ELF1: variants seen among roughly 807,000 people sequenced by gnomAD.
ELF1 encodes the protein ETS-related transcription factor Elf-1.
Under a neutral mutation model 59.9 loss-of-function variants are expected in ELF1, and 24 were observed. The ratio of observed to expected loss-of-function variants is 0.40; its 90% CI spans 0.29 to 0.56. ELF1 has a LOEUF of 0.56. ELF1 is among the 20% of genes least tolerant of loss of function. ELF1 has a pLI of 0.44. For missense variants in ELF1, 627 were observed against 742.2 expected, an observed-to-expected ratio of 0.84 and a Z score of 1.80; for synonymous variants, 248 against 266.2, an observed-to-expected ratio of 0.93 and a Z score of 0.67.
chr13:40,997,547 C>T (rs755369289), intron 1 of ELF1, among the ~76,000 whole-genome samples: 2 of 151,896 alleles, frequency 1.3e-5, no homozygotes, highest in Non-Finnish European at 2.9e-5. Flanking sequence ...TGAGCCACTG[C>T]ACCCGGCCAT....
At chr13:41,047,784 A>T (rs1489934089) in intron 1 of ELF1, among the ~76,000 whole-genome samples, 1 of 152,166 alleles carries the variant, frequency 6.6e-6, no homozygotes, top group Non-Finnish European at 1.5e-5. Flanking sequence ...GTGCTGGGAA[A>T]ACCACTACTC....
chr13:40,996,610 G>C (rs1358132506), intron 1 of ELF1, among the ~76,000 whole-genome samples: 1 of 152,162 alleles, frequency 6.6e-6, no homozygotes, highest in African/African-American at 2.4e-5. Flanking sequence ...AAGTGACAAA[G>C]TGTCAGTGTA....
chr13:40,989,646 C>T (rs1873737295), intron 1 of ELF1, among the ~76,000 whole-genome samples: 1 of 151,976 alleles, frequency 6.6e-6, no homozygotes, highest in Admixed American at 6.6e-5. Flanking sequence ...TAGATTTCCA[C>T]AATATAGTAA....
rs375400990 is a variant in ELF1, at chr13:40,940,386, GAAA to G, written c.1256+532_1256+534del. Reference sequence around the variant, plus strand: ...GCTCTGAGGCAAATCTGATTTAACTGAAAAAAAAAAAAAAAAAAAAAAAAAAAA... The same window carrying G: ...GCTCTGAGGCAAATCTGATTTAACTGAAAAAAAAAAAAAAAAAAAAAAAAA... On this transcript the variant is annotated intron_variant, in intron 8 of 8. Coordinates refer to ENST00000239882, the MANE Select transcript of ELF1 (RefSeq NM_172373.4). 6.9e-3 allele frequency among the ~76,000 whole-genome samples: 761 copies of G among 109,692 alleles called. 10 individuals carry two copies. The highest frequency in any genetic ancestry group is 0.032 in the African/African-American group (665 of 20,502). 72.0% of individuals were successfully genotyped at this position (109,692 alleles called of 152,430 possible).
intron 1 of ELF1, among the ~76,000 whole-genome samples, chr13:41,034,220 G>C (rs1261768793): frequency 6.6e-6 from 1 of 152,190 alleles, no homozygotes; most frequent in Non-Finnish European, 1.5e-5. Context: ...GGGGATGAGA[G>C]AGATAACCAT....
intron 1 of ELF1, among the ~76,000 whole-genome samples, chr13:41,043,710 T>C (rs1434592659): frequency 6.6e-6 from 1 of 152,230 alleles, no homozygotes; most frequent in Non-Finnish European, 1.5e-5. Flanking sequence ...TGTAGCCTTG[T>C]AGTATAGTTT....
Position 40,958,901 on chromosome 13 carries a change from T to G in ELF1, c.188A>C (p.Glu63Ala), listed in dbSNP as rs1365288494. ...TTCTTCAGCAACATCCAGTGAACTCTCAGTAATCATGTCATTGGGCTCTTC... is the reference window on the plus strand; with the variant it reads ...TTCTTCAGCAACATCCAGTGAACTCGCAGTAATCATGTCATTGGGCTCTTC... Reference protein sequence around the residue: ...CVEEPNDMITESSLDVAEEEI... With the variant: ...CVEEPNDMITASSLDVAEEEI... The change falls in exon 3 of 9, where the codon GAG (glutamate) becomes GCG (alanine). Residue 63 changes from glutamate (E) to alanine (A), a missense_variant. Around this residue, in one of 3 missense-constraint regions of ELF1, gnomAD observed 232 missense variants for 269.2 expected, o/e 0.86. Transcript: ENST00000239882. 2 of 1,613,914 alleles carry G rather than the reference T, an allele frequency of 1.2e-6. No homozygotes were observed. Among genetic ancestry groups the G allele is most frequent in the Admixed American group, 3.3e-5 (2 of 59,970 alleles).
chr13:40,938,689 G>A (rs1253275882), intron 8 of ELF1, among the ~76,000 whole-genome samples: 1 of 151,970 alleles, frequency 6.6e-6, no homozygotes, highest in African/African-American at 2.4e-5. Context: ...AGAGTGCTCT[G>A]TGTCAGCTCT....
chr13:40,953,685 T>C (rs574416008), intron 3 of ELF1, among the ~76,000 whole-genome samples: 22 of 152,314 alleles, frequency 1.4e-4, no homozygotes, highest in Non-Finnish European at 2.5e-4. Flanking sequence ...CTAACACGTG[T>C]AAGAACAAAA....
intron 2 of ELF1, among the ~76,000 whole-genome samples, chr13:40,977,857 C>T (rs1249896995): frequency 6.6e-6 from 1 of 151,950 alleles, no homozygotes; most frequent in African/African-American, 2.4e-5. Context: ...AACAGTTCAA[C>T]GAAGGAGAAT....
At chr13:40,983,765 CT>C (rs1367136011) in intron 1 of ELF1, among the ~76,000 whole-genome samples, 1 of 151,990 alleles carries the variant, frequency 6.6e-6, no homozygotes. Flanking sequence ...TTTATAATAC[CT>C]TTTTCCTTAA....
At chr13:41,002,812 A>G (rs1874540204) in intron 1 of ELF1, among the ~76,000 whole-genome samples, 1 of 152,158 alleles carries the variant, frequency 6.6e-6, no homozygotes, top group Admixed American at 6.5e-5. Context: ...TGTATGCTAT[A>G]GCAGAAGTGG....
chr13:40,990,122 A>T (rs1873766634), intron 1 of ELF1, among the ~76,000 whole-genome samples: 1 of 152,204 alleles, frequency 6.6e-6, no homozygotes, highest in Non-Finnish European at 1.5e-5. Flanking sequence ...AACATTCAAA[A>T]ATCATACACA....
intron 1 of ELF1, among the ~76,000 whole-genome samples, chr13:41,025,036 A>C (rs1875837091): frequency 2.6e-5 from 4 of 152,202 alleles, no homozygotes; most frequent in African/African-American, 9.7e-5. Context: ...CCAAAAAACA[A>C]AAAGAAATAA....
chr13:40,944,081 G>C (rs1299643344), intron 5 of ELF1, among the ~76,000 whole-genome samples, 156 bp from the exon 6 acceptor site: 1 of 152,148 alleles, frequency 6.6e-6, no homozygotes, highest in Non-Finnish European at 1.5e-5. Flanking sequence ...TTACTAAAAG[G>C]AAAACAACTT....
intron 3 of ELF1, among the ~76,000 whole-genome samples, chr13:40,957,704 T>C (rs886108728): frequency 7.9e-5 from 12 of 152,128 alleles, no homozygotes; most frequent in Admixed American, 6.5e-4. Context: ...TTCTTTTCTT[T>C]ATAAGTATTA....
At position 40,982,260 on chromosome 13, in the gene ELF1, T is replaced by C; in HGVS notation, c.-206A>G. 7.9e-7 allele frequency: 1 copy of C among 1,268,294 alleles called. No individual in the cohort carries two copies. Among genetic ancestry groups the C allele is most frequent in the Non-Finnish European group, 9.9e-7 (1 of 1,006,452 alleles). 78.6% of individuals were successfully genotyped at this position (1,268,294 alleles called of 1,614,324 possible). On this transcript the variant is annotated 5_prime_UTR_variant, in exon 2 of 9. Coordinates refer to ENST00000239882, the MANE Select transcript of ELF1 (RefSeq NM_172373.4). Reference sequence around the variant, plus strand: ...AAATTGAGACAATTTTTCTGAAATTTTTCTTCTCTCAAGCTTCTTGGCCTA... The same window carrying C: ...AAATTGAGACAATTTTTCTGAAATTCTTCTTCTCTCAAGCTTCTTGGCCTA...
At chr13:40,984,653 G>A (rs1873460163) in intron 1 of ELF1, among the ~76,000 whole-genome samples, 1 of 152,148 alleles carries the variant, frequency 6.6e-6, no homozygotes, top group South Asian at 2.1e-4. Flanking sequence ...CTGATAAAGA[G>A]GAAACTATTA....
intron 1 of ELF1, among the ~76,000 whole-genome samples, chr13:40,986,466 C>T (rs10507487): frequency 0.18 from 27,636 of 152,116 alleles, 2,690 homozygotes; most frequent in African/African-American, 0.22. Flanking sequence ...CAGGTGCATG[C>T]TAGGTAACTA....
Sources: gnomAD v4.1 joint callset for allele counts (sites outside exome capture counted in the v4.1 genomes callset) on GRCh38, gnomAD v4.1.1 for gene constraint, gnomAD v4.1.1 regional missense constraint, MANE v1.5 for transcripts, NCBI Gene and HGNC (gene_info 2026-07-23, HGNC 2026-07-21) for gene names.